TMC5: variants seen among roughly 807,000 people sequenced by gnomAD.
TMC5 encodes the protein transmembrane channel-like protein 5.
TMC5 carries 86 observed loss-of-function variants against 110.5 expected under a neutral mutation model. The ratio of observed to expected loss-of-function variants is 0.78; its 90% CI spans 0.65 to 0.93. The LOEUF is 0.93. Among genes scored for constraint, TMC5 ranks in the 40% least tolerant of loss-of-function variants. TMC5 has a pLI of 0.00. For synonymous variants in TMC5, 455 were observed against 439.5 expected (o/e 1.04, Z -0.44); for missense variants, 1,144 against 1,222.8 (o/e 0.94, Z 0.96).
intron 1 of TMC5, among the ~76,000 whole-genome samples, chr16:19,423,856 A>G (rs1409771413): frequency 6.6e-6 from 1 of 152,160 alleles, no homozygotes; most frequent in Non-Finnish European, 1.5e-5. Context: ...GGTTGAAGCG[A>G]TTCTCCTGCC....
rs138412954 is a variant in TMC5 at position 19,472,229 on chromosome 16, G to A, written c.1924G>A (p.Glu642Lys). Residue 642 changes from glutamate (E) to lysine (K), a missense_variant, in exon 11 of 22, where the codon GAG (glutamate) becomes AAG (lysine). Coordinates refer to ENST00000542583, the MANE Select transcript of TMC5 (RefSeq NM_001261841.2). ...CTGTGCAGCCGTTTATTACCTGGCT[G>A]AGTACAACTTAGAGGTAACCAACAC... ...ACCAAVYYLAEYNLEFLKTHS... is the reference protein window; with the variant it reads ...ACCAAVYYLAKYNLEFLKTHS... The A allele has an allele frequency of 1.9e-6, 3 of 1,614,032 alleles. No homozygotes were observed. Among genetic ancestry groups the A allele is most frequent in the Non-Finnish European group, 2.5e-6 (3 of 1,179,988 alleles).
chr16:19,464,557 G>C (rs187939313), intron 8 of TMC5, among the ~76,000 whole-genome samples: 1 of 152,070 alleles, frequency 6.6e-6, no homozygotes, highest in Non-Finnish European at 1.5e-5. Context: ...GCAAACATAT[G>C]GACACTTCTG....
intron 20 of TMC5, among the ~76,000 whole-genome samples, chr16:19,495,606 G>A (rs1969032563): frequency 6.6e-6 from 1 of 152,104 alleles, no homozygotes; most frequent in African/African-American, 2.4e-5. Flanking sequence ...CAGCTACTCA[G>A]GAGGCTGAGG....
chr16:19,428,808 A>G (rs901130264), intron 1 of TMC5, among the ~76,000 whole-genome samples: 4 of 151,708 alleles, frequency 2.6e-5, no homozygotes, highest in African/African-American at 9.7e-5. Flanking sequence ...CTGTATTTAT[A>G]TTTTCCTTTT....
At position 19,498,055 on chromosome 16, in the gene TMC5, C is replaced by A; in HGVS notation, c.*89C>A. 1.5e-6 allele frequency: 2 copies of A among 1,317,966 alleles called. No homozygotes were observed. The highest frequency in any genetic ancestry group is 2.4e-5 in the South Asian group (2 of 84,920). 81.6% of individuals were successfully genotyped at this position (1,317,966 alleles called of 1,614,324 possible). On this transcript the variant is annotated 3_prime_UTR_variant, in exon 22 of 22. Coordinates refer to ENST00000542583, the MANE Select transcript of TMC5 (RefSeq NM_001261841.2). ...TCCATGCCACCTGTGCCTTTAGGAA[C>A]TGCCCAGAAGAAAATCCAAGGCTTT...
chr16:19,450,336 T>C (rs1239252806), intron 5 of TMC5, among the ~76,000 whole-genome samples: 3 of 152,214 alleles, frequency 2.0e-5, no homozygotes, highest in Admixed American at 6.5e-5. Flanking sequence ...CAGCACCTAG[T>C]ACAGTGCCTG....
At chr16:19,464,915 C>T (rs67478745) in intron 8 of TMC5, among the ~76,000 whole-genome samples, 6,400 of 151,644 alleles carry the variant, frequency 0.042, 185 homozygotes, top group African/African-American at 0.077. Context: ...ATGACAGGCA[C>T]ATAGATTATT....
chr16:19,440,043 C>T lies in TMC5; in HGVS notation c.5C>T (p.Ser2Phe). Residue 2 changes from serine (S) to phenylalanine (F), a missense_variant, in exon 3 of 22, where the codon TCT becomes TTT. Transcript: ENST00000542583. The stretch of plus-strand genomic sequence containing the variant: ...GGGTGAAGAGTCCATACCAACATGT[C>T]TGCCTACTACAGGAATAACTGGTCT... M[S>F]AYYRNNWSEE... The T allele has an allele frequency of 6.2e-7, 1 of 1,611,978 alleles. No individual in the cohort carries two copies. The highest frequency in any genetic ancestry group is 8.5e-7 in the Non-Finnish European group (1 of 1,178,802).
intron 5 of TMC5, among the ~76,000 whole-genome samples, chr16:19,454,826 G>C (rs1967828000): frequency 6.6e-6 from 1 of 152,138 alleles, no homozygotes; most frequent in Non-Finnish European, 1.5e-5. Flanking sequence ...GCAATAAAGG[G>C]GTTTATTTTT....
chr16:19,449,728 A>G (rs1388196663), intron 5 of TMC5, 97 bp downstream of exon 5: 2 of 1,082,554 alleles, frequency 1.8e-6, no homozygotes, highest in African/African-American at 1.5e-5. Context: ...AGGTGATTGG[A>G]TCATGGGGGT....
intron 11 of TMC5, among the ~76,000 whole-genome samples, chr16:19,473,213 G>A (rs1049541180): frequency 6.6e-6 from 1 of 151,660 alleles, no homozygotes; most frequent in African/African-American, 2.4e-5. Flanking sequence ...GGGTATGATG[G>A]TGCACCCCTG....
At chr16:19,466,059 C>G in intron 8 of TMC5, 23 bp from the exon 9 acceptor site, 2 of 1,612,320 alleles carry the variant, frequency 1.2e-6, no homozygotes, top group Non-Finnish European at 1.7e-6. Context: ...TCCACCTGAC[C>G]TATGGTTTAT....
chr16:19,474,087 A>G, intron 11 of TMC5, 38 bp from the exon 12 acceptor site: 1 of 1,604,560 alleles, frequency 6.2e-7, no homozygotes, highest in Non-Finnish European at 8.5e-7. Flanking sequence ...GGTACAGTGT[A>G]CAAGTCAGCC....
chr16:19,466,228 G>A lies in TMC5; in HGVS notation c.1632G>A (p.Leu544=). 1.2e-6 allele frequency: 2 copies of A among 1,613,984 alleles called. No homozygotes were observed. The highest frequency in any genetic ancestry group is 1.1e-5 in the South Asian group (1 of 91,054). ...TGACCACCTGCTTCTTCAGTTTGCT[G>A]TTCAGGTATGGAAGCATCTACATTT... ...ACLTTCFFSL[L]FSMAKYFRNN... Residue 544 remains leucine, a synonymous_variant, in exon 9 of 22, where the codon CTG becomes CTA. Transcript: ENST00000542583.
chr16:19,471,716 T>A (rs991351623), intron 10 of TMC5, among the ~76,000 whole-genome samples: 10 of 152,090 alleles, frequency 6.6e-5, no homozygotes, highest in Non-Finnish European at 1.0e-4. Context: ...TGGAGAGGGA[T>A]CTCTGGATAA....
Position 19,487,004 on chromosome 16 carries a change from T to C in TMC5, c.2423T>C (p.Met808Thr), listed in dbSNP as rs765446582. Reference sequence around the variant, plus strand: ...ATCCAAATGATTATGCTTTTCATCATGTTCTACTCCAAAAATGTGAGTCAG... The same window carrying C: ...ATCCAAATGATTATGCTTTTCATCACGTTCTACTCCAAAAATGTGAGTCAG... ...PFIQMIMLFIMFYSKNISLMM... is the reference protein window; with the variant it reads ...PFIQMIMLFITFYSKNISLMM... The change falls in exon 16 of 22, where the codon ATG (methionine) becomes ACG (threonine). Residue 808 changes from methionine (M) to threonine (T), a missense_variant. By Grantham distance (81) the Met-to-Thr change is moderately conservative. Transcript: ENST00000542583. 6.2e-7 allele frequency: 1 copy of C among 1,614,136 alleles called. No homozygotes were observed. The highest frequency in any genetic ancestry group is 2.2e-5 in the East Asian group (1 of 44,880).
intron 9 of TMC5, among the ~76,000 whole-genome samples, chr16:19,467,760 G>T (rs1968226813): frequency 6.6e-6 from 1 of 152,062 alleles, no homozygotes. Context: ...GGGATTACAG[G>T]CGTGAGCCAC....
chr16:19,459,503 C>T (rs542210599), intron 5 of TMC5, among the ~76,000 whole-genome samples: 20 of 152,004 alleles, frequency 1.3e-4, no homozygotes, highest in African/African-American at 4.3e-4. Context: ...GAGAGCCAGG[C>T]GTGGTGGCTC....
intron 15 of TMC5, among the ~76,000 whole-genome samples, chr16:19,481,718 G>A (rs1224006904): frequency 6.6e-6 from 1 of 152,214 alleles, no homozygotes; most frequent in East Asian, 1.9e-4. Flanking sequence ...AGCTTTGCAG[G>A]TGTGTTTCTT....
Sources: gnomAD v4.1 joint callset for allele counts (sites outside exome capture counted in the v4.1 genomes callset) on GRCh38, gnomAD v4.1.1 for gene constraint, MANE v1.5 for transcripts, NCBI Gene and HGNC (gene_info 2026-07-23, HGNC 2026-07-21) for gene names.